Variants in WDR1 observed in about 807,000 individuals in gnomAD.
WDR1 encodes WD repeat-containing protein 1.
In WDR1, 21 loss-of-function variants were observed where a neutral mutation model predicts 71.9. The observed-to-expected ratio is 0.29, with a 90% CI of 0.21 to 0.42. The LOEUF (loss-of-function observed/expected upper bound fraction) is 0.42, where lower values mean the gene tolerates loss of function less well. Ranked by LOEUF, WDR1 falls within the 10% of genes least tolerant of loss-of-function variation. The pLI, the probability that WDR1 is intolerant of heterozygous loss-of-function variation, is 1.00. For synonymous variants in WDR1, 424 were observed against 347.4 expected, an observed-to-expected ratio of 1.22 and a Z score of -2.45; for missense variants, 696 against 824.5, an observed-to-expected ratio of 0.84 and a Z score of 1.91.
In WDR1 at chr4:10,089,481, G is replaced by T. The variant is rs894897076; in HGVS notation, c.559-740C>A. Among the ~76,000 whole-genome samples the T allele has an allele frequency of 1.7e-4, 26 of 150,534 alleles. 1 individual carries two copies. Among genetic ancestry groups the T allele is most frequent in the African/African-American group, 6.3e-4 (26 of 41,498 alleles). ...AGAGCCTGAGCGACTAAAAGGAAAT[G>T]ACATGACTTCCAGGGGCGACTCTGT... On this transcript the variant is annotated intron_variant, in intron 5 of 14. Coordinates refer to ENST00000499869, the MANE Select transcript of WDR1 (RefSeq NM_017491.5).
Position 10,083,183 on chromosome 4 carries a change from G to A in WDR1, c.1040-5C>T, listed in dbSNP as rs1765081534. 3.7e-6 allele frequency: 6 copies of A among 1,612,834 alleles called. No homozygotes were observed. The highest frequency in any genetic ancestry group is 1.1e-5 in the South Asian group (1 of 90,910). ...CCGTCTCTGAATCCCAGTAATGTAG[G>A]GTGGGGTTAAGGAAAAGCCCGGCTC... is the stretch of plus-strand genomic sequence containing the variant. On this transcript the variant is annotated splice_polypyrimidine_tract_variant and splice_region_variant and intron_variant, in intron 9 of 14. Coordinates refer to ENST00000499869, the MANE Select transcript of WDR1 (RefSeq NM_017491.5).
chr4:10,077,497 C>T (rs753475061), intron 13 of WDR1, 49 bp from the exon 14 acceptor site: 3 of 1,612,356 alleles, frequency 1.9e-6, no homozygotes, highest in South Asian at 2.2e-5. Context: ...GTTCAGGCCG[C>T]AGTTGCCCAT....
intron 3 of WDR1, among the ~76,000 whole-genome samples, chr4:10,099,633 C>T (rs1029651819): frequency 6.6e-6 from 1 of 152,282 alleles, no homozygotes; most frequent in African/African-American, 2.4e-5. Flanking sequence ...ACGAGGTGCA[C>T]AGCTGTGAGG....
At chr4:10,103,826 G>A (rs1712852401) in intron 3 of WDR1, 70 bp downstream of exon 3, 2 of 733,282 alleles carry the variant, frequency 2.7e-6, no homozygotes, top group Admixed American at 5.9e-5. Context: ...CAGAAGCCCA[G>A]CTTCGCCCTG....
chr4:10,088,172 C>G (rs752281624), intron 7 of WDR1, 121 bp downstream of exon 7: 1 of 1,045,770 alleles, frequency 9.6e-7, no homozygotes, highest in African/African-American at 1.6e-5. Context: ...GATATAAAAC[C>G]GCCCCGACTT....
chr4:10,107,298 G>A (rs1043015835), intron 2 of WDR1, among the ~76,000 whole-genome samples: 7 of 152,164 alleles, frequency 4.6e-5, no homozygotes, highest in Non-Finnish European at 1.0e-4. Context: ...AGTTTTCCTT[G>A]CCAACTCCCA....
At chr4:10,113,032 C>G (rs1176270575) in intron 2 of WDR1, among the ~76,000 whole-genome samples, 3 of 152,200 alleles carry the variant, frequency 2.0e-5, no homozygotes, top group Non-Finnish European at 2.9e-5. Context: ...GGGGACACCC[C>G]TCTACTAAGG....
chr4:10,107,309 A>G (rs905825773), intron 2 of WDR1, among the ~76,000 whole-genome samples: 3 of 151,994 alleles, frequency 2.0e-5, no homozygotes, highest in Admixed American at 6.5e-5. Flanking sequence ...CCAACTCCCA[A>G]CCCATCTTCT....
chr4:10,110,741 T>C (rs956206546), intron 2 of WDR1, among the ~76,000 whole-genome samples: 1 of 152,238 alleles, frequency 6.6e-6, no homozygotes, highest in African/African-American at 2.4e-5. Flanking sequence ...ACCAGAGTTT[T>C]CAACCTTGGT....
chr4:10,083,254 C>T (rs879579389), intron 9 of WDR1, 76 bp from the exon 10 acceptor site: 13 of 1,499,918 alleles, frequency 8.7e-6, no homozygotes, highest in Non-Finnish European at 1.2e-5. Context: ...TCCTAAGATT[C>T]TCCATTTACA....
intron 3 of WDR1, among the ~76,000 whole-genome samples, chr4:10,100,304 A>G (rs867356929): frequency 7.9e-5 from 12 of 152,234 alleles, no homozygotes; most frequent in African/African-American, 2.7e-4. Flanking sequence ...GGGCTCAGCA[A>G]GCAACATGGC....
intron 11 of WDR1, among the ~76,000 whole-genome samples, chr4:10,080,845 C>G (rs1045051653): frequency 1.3e-5 from 2 of 152,230 alleles, no homozygotes; most frequent in African/African-American, 4.8e-5. Context: ...CTGCTCTAGG[C>G]CTCAGCCTCC....
chr4:10,104,038 T>C, intron 2 of WDR1, 52 bp from the exon 3 acceptor site: 4 of 1,531,312 alleles, frequency 2.6e-6, no homozygotes, highest in Non-Finnish European at 3.6e-6. Flanking sequence ...GCAGTCAAGC[T>C]TCCAGCTCTC....
intron 11 of WDR1, among the ~76,000 whole-genome samples, chr4:10,079,806 AC>A (rs1764945567): frequency 6.6e-6 from 1 of 151,992 alleles, no homozygotes; most frequent in African/African-American, 2.4e-5. Context: ...CCTGACTAAA[AC>A]CTACTACTGA....
Position 10,077,851 on chromosome 4 carries a change from G to C in WDR1, c.1471C>G (p.Pro491Ala). Residue 491 changes from proline (P) to alanine (A), a missense_variant, in exon 13 of 15, where the codon CCC (proline) becomes GCC (alanine). By Grantham distance (27) the Pro-to-Ala change is conservative (BLOSUM62 -1). Coordinates refer to ENST00000499869, the MANE Select transcript of WDR1 (RefSeq NM_017491.5). ...DEGKLLEAKG[P>A]VTDVAYSHDG... ...TGGGAGTAGGCCACGTCGGTCACGG[G>C]GCCCTTGGCCTCTAGGAGCTTGCCC... The C allele has an allele frequency of 1.9e-6, 3 of 1,610,740 alleles. No homozygotes were observed. The highest frequency in any genetic ancestry group is 2.5e-6 in the Non-Finnish European group (3 of 1,178,588).
At chr4:10,083,477 G>A (rs371692162) in intron 9 of WDR1, 28 of 535,924 alleles carry the variant, frequency 5.2e-5, no homozygotes, top group African/African-American at 4.3e-4. Context: ...TAGTTATCGG[G>A]TAGGCGCAAC....
chr4:10,096,232 C>G (rs1480345949), intron 5 of WDR1: 7 of 152,216 alleles, frequency 4.6e-5, no homozygotes, highest in Admixed American at 4.6e-4. Flanking sequence ...GAGCCCCCAC[C>G]CACAGCCGGC....
rs1034827652 is a variant in WDR1 at position 10,079,143 on chromosome 4, C to G, written c.1285-142G>C. ...AACCTCTTTGCAGGGCCACCTGGGG[C>G]TCTGAGCCACACCACCTGGACTCAT... is the stretch of plus-strand genomic sequence containing the variant. On this transcript the variant is annotated intron_variant, in intron 11 of 14. Transcript: ENST00000499869. 15 of 611,000 alleles carry G rather than the reference C, an allele frequency of 2.5e-5. No homozygotes were observed. The South Asian group carries it at 2.6e-4, about 11-fold the overall frequency. The allele number at this position is 611,000 out of a possible 1,614,324, so 37.8% of individuals were successfully genotyped here.
intron 13 of WDR1, 77 bp from the exon 14 acceptor site, chr4:10,077,525 T>A: frequency 6.3e-7 from 1 of 1,595,756 alleles, no homozygotes; most frequent in East Asian, 2.2e-5. Flanking sequence ...CGCTTATCCC[T>A]CATGGCGACA....
Sources: gnomAD v4.1 joint callset for allele counts (sites outside exome capture counted in the v4.1 genomes callset) on GRCh38, gnomAD v4.1.1 for gene constraint, MANE v1.5 for transcripts, NCBI Gene and HGNC (gene_info 2026-07-23, HGNC 2026-07-21) for gene names.